Variants in ANKRD11 observed in about 807,000 individuals in gnomAD.
ANKRD11 encodes the protein ankyrin repeat domain 11.
A neutral mutation model predicts 195.7 loss-of-function variants in ANKRD11; 17 were observed. The ratio of observed to expected loss-of-function variants is 0.09; its 90% CI spans 0.06 to 0.13. The LOEUF is 0.13. Ranked by LOEUF, ANKRD11 falls within the 10% of genes least tolerant of loss-of-function variation. The pLI is 1.00. For synonymous variants in ANKRD11, 1,953 were observed against 1,528.1 expected, an observed-to-expected ratio of 1.28 and a Z score of -6.49; for missense variants, 3,735 against 3,566.1, an observed-to-expected ratio of 1.05 and a Z score of -1.21.
chr16:89,326,507 G>A (rs1457949580), intron 2 of ANKRD11, among the ~76,000 whole-genome samples: 1 of 152,128 alleles, frequency 6.6e-6, no homozygotes, highest in Non-Finnish European at 1.5e-5. Flanking sequence ...CTACTCAGGA[G>A]GCCAAGGCAG....
chr16:89,323,440 AGCCGAGGGCAGGGGGGCAG>A (rs2037469923), intron 2 of ANKRD11: 1 of 510,770 alleles, frequency 2.0e-6, no homozygotes, highest in Non-Finnish European at 3.0e-6. Context: ...AGGGGGGCTG[AGCCGAGGGCAGGGGGGCAG>A]AGCCGAGGGC....
At chr16:89,470,940 C>G (rs1258005400) in intron 1 of ANKRD11, among the ~76,000 whole-genome samples, 2 of 152,130 alleles carry the variant, frequency 1.3e-5, no homozygotes, top group Admixed American at 6.5e-5. Flanking sequence ...TTGCAGTGAG[C>G]TGAGATCATG....
At chr16:89,367,182 T>C (rs989391237) in intron 2 of ANKRD11, among the ~76,000 whole-genome samples, 5 of 152,156 alleles carry the variant, frequency 3.3e-5, no homozygotes, top group African/African-American at 9.7e-5. Context: ...GGACAGTCCA[T>C]ACATCCCCCT....
At chr16:89,393,200 C>G (rs77975007) in intron 2 of ANKRD11, among the ~76,000 whole-genome samples, 3 of 152,262 alleles carry the variant, frequency 2.0e-5, no homozygotes, top group South Asian at 2.1e-4. Context: ...GAGAGCACGA[C>G]GCCAGCCTCA....
intron 1 of ANKRD11, among the ~76,000 whole-genome samples, chr16:89,434,026 C>T (rs1393072500): frequency 1.3e-5 from 2 of 152,182 alleles, no homozygotes; most frequent in Admixed American, 6.5e-5. Flanking sequence ...TGAGAAGATG[C>T]CCCTAGTGTG....
chr16:89,314,866 G>A (rs2036851922), intron 3 of ANKRD11, among the ~76,000 whole-genome samples: 1 of 152,138 alleles, frequency 6.6e-6, no homozygotes, highest in African/African-American at 2.4e-5. Flanking sequence ...CAGAGGCTGG[G>A]ATCCTCTGTG....
chr16:89,439,532 A>T (rs2043356543), intron 1 of ANKRD11, among the ~76,000 whole-genome samples: 1 of 152,210 alleles, frequency 6.6e-6, no homozygotes, highest in Admixed American at 6.5e-5. Flanking sequence ...TGATCCAGGG[A>T]TATGGGTGAG....
Position 89,434,369 on chromosome 16 carries a change from C to G in ANKRD11, c.-144-16001G>C, listed in dbSNP as rs116497033. On this transcript the variant is annotated intron_variant, in intron 1 of 12. Coordinates refer to ENST00000301030, the MANE Select transcript of ANKRD11 (RefSeq NM_013275.6). ...AAATAATGACCATAAAGCAATTCTTCTCTAACTTGAGAATTCTCATACTCT... is the reference window on the plus strand; with the variant it reads ...AAATAATGACCATAAAGCAATTCTTGTCTAACTTGAGAATTCTCATACTCT... Among the ~76,000 whole-genome samples the G allele has an allele frequency of 3.9e-3, 601 of 152,364 alleles. 2 individuals carry two copies. The highest frequency in any genetic ancestry group is 0.014 in the African/African-American group (578 of 41,584).
intron 1 of ANKRD11, among the ~76,000 whole-genome samples, chr16:89,480,732 T>C (rs1232392632): frequency 6.6e-6 from 1 of 152,094 alleles, no homozygotes; most frequent in African/African-American, 2.4e-5. Flanking sequence ...CATTTTACAC[T>C]GTCCTGACAA....
chr16:89,431,362 C>G (rs1820318285), intron 1 of ANKRD11: 1 of 153,098 alleles, frequency 6.5e-6, no homozygotes, highest in Admixed American at 6.5e-5. Flanking sequence ...GGCTGCCCCT[C>G]CCATCACCAC....
chr16:89,319,600 C>T (rs1171464159), intron 2 of ANKRD11, among the ~76,000 whole-genome samples: 3 of 152,208 alleles, frequency 2.0e-5, no homozygotes, highest in Non-Finnish European at 4.4e-5. Context: ...GCGATGTGCT[C>T]GAGGCCCTGC....
intron 1 of ANKRD11, among the ~76,000 whole-genome samples, chr16:89,438,291 G>C (rs966151837): frequency 6.6e-6 from 1 of 151,758 alleles, no homozygotes; most frequent in Non-Finnish European, 1.5e-5. Flanking sequence ...AGAAGGCGTA[G>C]GAAGCTATCT....
chr16:89,300,448 T>G (rs1198938963), intron 4 of ANKRD11: 1 of 193,930 alleles, frequency 5.2e-6, no homozygotes, highest in East Asian at 1.7e-4. Flanking sequence ...TCCAGGCACC[T>G]GCCCCGCCTG....
At chr16:89,471,075 G>A (rs1297868436) in intron 1 of ANKRD11, among the ~76,000 whole-genome samples, 2 of 151,838 alleles carry the variant, frequency 1.3e-5, no homozygotes, top group Admixed American at 6.5e-5. Flanking sequence ...GACTGAGGCT[G>A]GGCGCAGTGG....
At chr16:89,288,245 A>T (rs947852347) in intron 7 of ANKRD11, 172 of 621,748 alleles carry the variant, frequency 2.8e-4, no homozygotes, top group Non-Finnish European at 2.9e-5. Context: ...ACTTGGTGTA[A>T]TCCTTCACCT....
chr16:89,305,379 C>G (rs2036125903), intron 3 of ANKRD11, 35 bp from the exon 4 acceptor site: 1 of 1,613,432 alleles, frequency 6.2e-7, no homozygotes, highest in Non-Finnish European at 8.5e-7. Flanking sequence ...GTCGTGATGT[C>G]CAAATTACAT....
intron 1 of ANKRD11, among the ~76,000 whole-genome samples, chr16:89,457,205 C>T (rs531682553): frequency 3.3e-5 from 5 of 151,010 alleles, no homozygotes; most frequent in Admixed American, 6.6e-5. Context: ...GTGATCCGCC[C>T]GCCTCGGCCT....
At chr16:89,478,326 T>C (rs1016942383) in intron 1 of ANKRD11, among the ~76,000 whole-genome samples, 18 of 151,904 alleles carry the variant, frequency 1.2e-4, no homozygotes, top group African/African-American at 3.4e-4. Context: ...GAAAGCCACA[T>C]TGGGGTTGGT....
chr16:89,336,494 G>T (rs566046208), intron 2 of ANKRD11, among the ~76,000 whole-genome samples: 1 of 152,234 alleles, frequency 6.6e-6, no homozygotes, highest in South Asian at 2.1e-4. Flanking sequence ...GAGGACTCCT[G>T]TAGCAGGACA....
Sources: gnomAD v4.1 joint callset for allele counts (sites outside exome capture counted in the v4.1 genomes callset) on GRCh38, gnomAD v4.1.1 for gene constraint, MANE v1.5 for transcripts, NCBI Gene and HGNC (gene_info 2026-07-23, HGNC 2026-07-21) for gene names.